THSD4: variants seen among roughly 807,000 people sequenced by gnomAD.
The protein encoded by THSD4 is thrombospondin type-1 domain-containing protein 4.
THSD4 carries 69 observed loss-of-function variants against 119.0 expected under a neutral mutation model. That is an observed-to-expected ratio of 0.58 (90% CI 0.48 to 0.71). The LOEUF (loss-of-function observed/expected upper bound fraction) is 0.71, where lower values mean the gene tolerates loss of function less well. THSD4 is among the 30% of genes least tolerant of loss of function. The pLI, the probability that THSD4 is intolerant of heterozygous loss-of-function variation, is 0.00. For missense variants in THSD4, 1,393 were observed against 1,391.1 expected (o/e 1.00, Z -0.02); for synonymous variants, 524 against 540.4 (o/e 0.97, Z 0.42).
chr15:71,121,949 C>T (rs1042511161), intron 1 of THSD4, among the ~76,000 whole-genome samples: 4 of 151,968 alleles, frequency 2.6e-5, no homozygotes, highest in Non-Finnish European at 4.4e-5. Context: ...CACATGAGGC[C>T]GCTTGGGAAT....
At chr15:71,434,393 G>A (rs558955746) in intron 7 of THSD4, among the ~76,000 whole-genome samples, 8 of 146,804 alleles carry the variant, frequency 5.4e-5, no homozygotes, top group African/African-American at 1.5e-4. Context: ...AGTGTTATGA[G>A]GAAGACAGGG....
intron 6 of THSD4, among the ~76,000 whole-genome samples, chr15:71,392,332 A>G (rs970504709): frequency 8.5e-5 from 13 of 152,202 alleles, no homozygotes; most frequent in Non-Finnish European, 1.6e-4. Flanking sequence ...CTGTGCTTTT[A>G]CAAGCATTCT....
intron 6 of THSD4, among the ~76,000 whole-genome samples, chr15:71,286,640 C>T (rs774135974): frequency 3.3e-5 from 5 of 152,116 alleles, no homozygotes; most frequent in Non-Finnish European, 5.9e-5. Flanking sequence ...TATAACAGAA[C>T]GATTTACATT....
Position 71,260,275 on chromosome 15 carries a change from T to C in THSD4, c.1015+3560T>C, listed in dbSNP as rs2044375321. ...AGACTTTAAGACCTGGAAGAACTTA[T>C]TTTTTGAACATTTGATTTAACTGAT... On this transcript the variant is annotated intron_variant, in intron 6 of 17. Coordinates refer to ENST00000261862, the MANE Select transcript of THSD4 (RefSeq NM_024817.3). Among the ~76,000 whole-genome samples the C allele has an allele frequency of 3.3e-5, 5 of 152,230 alleles. 1 individual carries two copies. Among genetic ancestry groups the C allele is most frequent in the Admixed American group, 2.6e-4 (4 of 15,276 alleles).
At chr15:71,451,113 G>A (rs533695175) in intron 7 of THSD4, among the ~76,000 whole-genome samples, 20 of 152,236 alleles carry the variant, frequency 1.3e-4, no homozygotes, top group Non-Finnish European at 1.5e-4. Flanking sequence ...GGGAGGCAGA[G>A]GTTGCAGTGA....
At chr15:71,164,526 A>G (rs1251535183) in intron 3 of THSD4, among the ~76,000 whole-genome samples, 3 of 152,066 alleles carry the variant, frequency 2.0e-5, no homozygotes, top group Non-Finnish European at 4.4e-5. Context: ...TTAAATTTCC[A>G]TGCCAATTTA....
chr15:71,245,719 C>T (rs1048187091), intron 5 of THSD4, among the ~76,000 whole-genome samples: 5 of 152,186 alleles, frequency 3.3e-5, no homozygotes, highest in East Asian at 3.9e-4. Flanking sequence ...TAGGCACCCT[C>T]TGCCTGCCAC....
At chr15:71,605,952 C>T (rs1040503333) in intron 7 of THSD4, among the ~76,000 whole-genome samples, 3 of 152,122 alleles carry the variant, frequency 2.0e-5, no homozygotes, top group East Asian at 3.9e-4. Context: ...ACAAAACCAA[C>T]GGAGTGAGCT....
intron 3 of THSD4, among the ~76,000 whole-genome samples, chr15:71,172,678 TATAC>T (rs1401519955): frequency 2.5e-4 from 13 of 51,658 alleles, no homozygotes; most frequent in Admixed American, 8.7e-4. Context: ...AAAATAGACC[TATAC>T]ATATATATAT....
chr15:71,464,002 T>G (rs578244857), intron 7 of THSD4, among the ~76,000 whole-genome samples: 1 of 152,232 alleles, frequency 6.6e-6, no homozygotes. Flanking sequence ...TATGAATCTA[T>G]AACAGGCTCT....
chr15:71,227,620 A>G (rs931887550), intron 4 of THSD4, among the ~76,000 whole-genome samples: 4 of 152,180 alleles, frequency 2.6e-5, no homozygotes, highest in Admixed American at 1.3e-4. Context: ...TTGAGCCTCA[A>G]CCAGCCCCAG....
At chr15:71,371,531 C>G (rs2046048315) in intron 6 of THSD4, among the ~76,000 whole-genome samples, 1 of 152,122 alleles carries the variant, frequency 6.6e-6, no homozygotes, top group Admixed American at 6.5e-5. Flanking sequence ...TTCTCCTTGG[C>G]TTATGAAGCT....
intron 6 of THSD4, among the ~76,000 whole-genome samples, chr15:71,403,751 T>C (rs2046570040): frequency 6.6e-6 from 1 of 152,236 alleles, no homozygotes; most frequent in Non-Finnish European, 1.5e-5. Context: ...GTTCCCCAGC[T>C]GCAATACAAA....
chr15:71,275,987 C>G (rs775653071), intron 6 of THSD4, among the ~76,000 whole-genome samples: 1 of 152,186 alleles, frequency 6.6e-6, no homozygotes, highest in Non-Finnish European at 1.5e-5. Flanking sequence ...AGCATGAGAA[C>G]GGACTAATAC....
chr15:71,364,765 G>A (rs918290567), intron 6 of THSD4, among the ~76,000 whole-genome samples: 3 of 152,158 alleles, frequency 2.0e-5, no homozygotes, highest in Non-Finnish European at 4.4e-5. Flanking sequence ...CCTTTGCATA[G>A]CGCTGAGCTT....
rs369026614 is a variant in THSD4, at chr15:71,604,064, A to G, written c.1153-56466A>G. ...TTTTAACTTTGGGTTTTCTAAGACT[A>G]GAAACATGAAAGTGCTGAAGATGGG... On this transcript the variant is annotated intron_variant, in intron 7 of 17. Transcript: ENST00000261862. Among the ~76,000 whole-genome samples, 51 of 152,340 alleles carry G rather than the reference A, an allele frequency of 3.3e-4. No individual in the cohort carries two copies. The East Asian group carries it at 9.6e-3, about 29-fold the overall frequency.
At chr15:71,660,350 C>T in intron 7 of THSD4, 180 bp from the exon 8 acceptor site, 1 of 669,790 alleles carries the variant, frequency 1.5e-6, no homozygotes, top group Non-Finnish European at 2.5e-6. Context: ...TTACCACCAC[C>T]AAACAAACTC....
At chr15:71,285,817 G>T (rs2044709011) in intron 6 of THSD4, among the ~76,000 whole-genome samples, 1 of 117,094 alleles carries the variant, frequency 8.5e-6, no homozygotes, top group Admixed American at 1.3e-4. Flanking sequence ...TTGTGCTACT[G>T]CACTCCAGCC....
At chr15:71,313,599 G>A (rs2045142622) in intron 6 of THSD4, among the ~76,000 whole-genome samples, 1 of 152,116 alleles carries the variant, frequency 6.6e-6, no homozygotes. Flanking sequence ...GTTTACCTAT[G>A]TAAAATTAGT....
Sources: gnomAD v4.1 joint callset for allele counts (sites outside exome capture counted in the v4.1 genomes callset) on GRCh38, gnomAD v4.1.1 for gene constraint, MANE v1.5 for transcripts, NCBI Gene and HGNC (gene_info 2026-07-23, HGNC 2026-07-21) for gene names.